The following LARGE1 variants were observed in gnomAD, a reference collection of about 807,000 sequenced individuals.
LARGE1 encodes the protein xylosyl- and glucuronyltransferase LARGE1.
A neutral mutation model predicts 87.6 loss-of-function variants in LARGE1; 43 were observed. The ratio of observed to expected loss-of-function variants is 0.49; its 90% CI spans 0.38 to 0.63. The LOEUF is 0.63. Ranked by LOEUF, LARGE1 falls within the 30% of genes least tolerant of loss-of-function variation. The pLI, the probability that LARGE1 is intolerant of heterozygous loss-of-function variation, is 0.00. For missense variants in LARGE1, 802 were observed against 1,000.2 expected (o/e 0.80, Z 2.67); for synonymous variants, 434 against 394.6 (o/e 1.10, Z -1.18).
intron 2 of LARGE1, among the ~76,000 whole-genome samples, chr22:33,658,276 T>TA (rs1173350158): frequency 2.0e-5 from 3 of 151,972 alleles, no homozygotes; most frequent in Admixed American, 2.0e-4. Flanking sequence ...TATCAGCATT[T>TA]AAAAAAAAAT....
At chr22:33,638,799 T>C (rs1304298517) in intron 3 of LARGE1, among the ~76,000 whole-genome samples, 5 of 152,236 alleles carry the variant, frequency 3.3e-5, no homozygotes, top group African/African-American at 4.8e-5. Context: ...CAAGGACTGA[T>C]TAACGGTTAT....
chr22:33,180,237 G>A (rs1923091637), intron 11 of LARGE1, among the ~76,000 whole-genome samples: 1 of 152,168 alleles, frequency 6.6e-6, no homozygotes, highest in African/African-American at 2.4e-5. Flanking sequence ...CTTCACACTT[G>A]AGTGATGTAA....
intron 1 of LARGE1, among the ~76,000 whole-genome samples, chr22:33,780,023 C>G (rs546079853): frequency 2.0e-5 from 3 of 147,734 alleles, no homozygotes; most frequent in Non-Finnish European, 3.0e-5. Context: ...GAACAGGGCA[C>G]GCTCACTCTC....
At chr22:33,436,806 C>A (rs1029779563) in intron 6 of LARGE1, 1 of 152,616 alleles carries the variant, frequency 6.6e-6, no homozygotes, top group Non-Finnish European at 1.5e-5. Context: ...TAGAGCAGAC[C>A]TCCTCTGTGA....
At chr22:33,827,541 T>C (rs1442522403) in intron 1 of LARGE1, among the ~76,000 whole-genome samples, 1 of 151,910 alleles carries the variant, frequency 6.6e-6, no homozygotes, top group Non-Finnish European at 1.5e-5. Context: ...CCCCGAAAAG[T>C]GGAAATAAGT....
At chr22:33,886,848 C>T (rs972738631) in intron 1 of LARGE1, among the ~76,000 whole-genome samples, 2 of 152,006 alleles carry the variant, frequency 1.3e-5, no homozygotes, top group African/African-American at 4.8e-5. Context: ...GCAAGGAAAA[C>T]GACAAAAAGA....
At chr22:33,279,144 G>A (rs1929950100) in intron 13 of LARGE1, among the ~76,000 whole-genome samples, 2 of 152,154 alleles carry the variant, frequency 1.3e-5, no homozygotes, top group African/African-American at 4.8e-5. Context: ...CCTGAGACAG[G>A]TCCATGTGTG....
intron 7 of LARGE1, among the ~76,000 whole-genome samples, chr22:33,417,156 C>T (rs1156624180): frequency 6.6e-6 from 1 of 151,644 alleles, no homozygotes; most frequent in Non-Finnish European, 1.5e-5. Context: ...CCGCCTGCCT[C>T]GGCCTCCCAA....
intron 2 of LARGE1, among the ~76,000 whole-genome samples, chr22:33,712,037 T>A (rs1008970842): frequency 2.6e-5 from 4 of 152,280 alleles, no homozygotes; most frequent in South Asian, 2.1e-4. Context: ...GTGTGCTGCA[T>A]ATTGAGTGGT....
At chr22:33,414,072 G>A (rs1056671565) in intron 7 of LARGE1, among the ~76,000 whole-genome samples, 1 of 152,110 alleles carries the variant, frequency 6.6e-6, no homozygotes, top group African/African-American at 2.4e-5. Context: ...TGGGATTGCT[G>A]GATCATATGG....
intron 13 of LARGE1, among the ~76,000 whole-genome samples, chr22:33,281,929 A>G (rs1164048967): frequency 6.6e-6 from 1 of 152,246 alleles, no homozygotes; most frequent in African/African-American, 2.4e-5. Flanking sequence ...GTGGTAGGAA[A>G]ACCCAAGTTA....
intron 4 of LARGE1, among the ~76,000 whole-genome samples, chr22:33,606,428 G>GAAATGAAATA (rs1555971312): frequency 1.2e-4 from 18 of 148,724 alleles, no homozygotes; most frequent in Non-Finnish European, 1.6e-4. Flanking sequence ...AAAATAAAAT[G>GAAATGAAATA]AAATAAAATA....
intron 1 of LARGE1, among the ~76,000 whole-genome samples, chr22:33,845,854 T>C (rs1294077537): frequency 6.6e-6 from 1 of 152,184 alleles, no homozygotes; most frequent in Admixed American, 6.5e-5. Context: ...AAATCCGCGA[T>C]ATACTATCAT....
chr22:33,178,505 G>A (rs1922997298), intron 11 of LARGE1, among the ~76,000 whole-genome samples: 1 of 152,216 alleles, frequency 6.6e-6, no homozygotes, highest in South Asian at 2.1e-4. Flanking sequence ...TGCTGTCTTA[G>A]AGCTGATGAG....
chr22:33,440,746 C>A (rs980357092), intron 6 of LARGE1, among the ~76,000 whole-genome samples: 1 of 152,182 alleles, frequency 6.6e-6, no homozygotes, highest in Non-Finnish European at 1.5e-5. Flanking sequence ...TGAGAAGATG[C>A]ACACAGAACG....
At chr22:33,242,221 A>C (rs539843463) in intron 11 of LARGE1, among the ~76,000 whole-genome samples, 1 of 152,312 alleles carries the variant, frequency 6.6e-6, no homozygotes, top group South Asian at 2.1e-4. Context: ...AGCAGGTGGG[A>C]ACCCTGAATC....
the LARGE1 span, among the ~76,000 whole-genome samples, chr22:33,137,631 C>G: frequency 2.0e-5 from 3 of 152,236 alleles, no homozygotes; most frequent in East Asian, 5.8e-4. Flanking sequence ...CATCAAATCA[C>G]TGGCCTGGAG....
intron 6 of LARGE1, among the ~76,000 whole-genome samples, chr22:33,553,135 G>A (rs1413967508): frequency 6.6e-6 from 1 of 152,086 alleles, no homozygotes; most frequent in Non-Finnish European, 1.5e-5. Flanking sequence ...GCCTTGTATT[G>A]TCTCCTCTGA....
chr22:33,906,189 A>C (rs1028461812), intron 1 of LARGE1, among the ~76,000 whole-genome samples: 14 of 152,012 alleles, frequency 9.2e-5, no homozygotes, highest in Admixed American at 8.5e-4. Flanking sequence ...AGGGAGGATA[A>C]CCATGAAAGG....
Sources: allele counts gnomAD v4.1 joint callset (sites outside exome capture counted in the v4.1 genomes callset), GRCh38; gene constraint gnomAD v4.1.1; transcripts MANE v1.5; gene names NCBI Gene and HGNC (gene_info 2026-07-23, HGNC 2026-07-21).